The following EPM2A variants were observed in gnomAD, a reference collection of about 807,000 sequenced individuals.
EPM2A encodes the protein EPM2A glucan phosphatase, laforin.
Under a neutral mutation model 26.5 loss-of-function variants are expected in EPM2A, and 21 were observed. That is an observed-to-expected ratio of 0.79 (90% CI 0.56 to 1.14). The LOEUF (loss-of-function observed/expected upper bound fraction) is 1.14, where lower values mean the gene tolerates loss of function less well. EPM2A is among the 50% of genes most tolerant of loss of function. The pLI, the probability that EPM2A is intolerant of heterozygous loss-of-function variation, is 0.00. For synonymous variants in EPM2A, 217 were observed against 177.6 expected (o/e 1.22, Z -1.76); for missense variants, 458 against 440.8 (o/e 1.04, Z -0.35).
intron 4 of EPM2A, among the ~76,000 whole-genome samples, chr6:145,435,201 A>G (rs1282959722): frequency 6.6e-6 from 1 of 152,188 alleles, no homozygotes; most frequent in Non-Finnish European, 1.5e-5. Flanking sequence ...ATATGGAAGA[A>G]GTGAGGGAAG....
chr6:145,620,278 C>T (rs967402745), intron 2 of EPM2A, among the ~76,000 whole-genome samples: 3 of 152,276 alleles, frequency 2.0e-5, no homozygotes, highest in East Asian at 1.9e-4. Context: ...AGATCCCTCG[C>T]ATGTGCAGTT....
chr6:145,687,854 C>A lies in EPM2A; in HGVS notation c.302-1558G>T, dbSNP rs190567603. Among the ~76,000 whole-genome samples the A allele has an allele frequency of 2.6e-5, 4 of 151,960 alleles. No individual in the cohort carries two copies. The East Asian group carries it at 5.8e-4, about 22-fold the overall frequency. On this transcript the variant is annotated intron_variant, in intron 1 of 3. Coordinates refer to ENST00000367519, the MANE Select transcript of EPM2A (RefSeq NM_005670.4). Reference sequence around the variant, plus strand: ...TCTCTTAATGGATTTTTTTTCTCGACGACTACAAGGTGCTGCACCACATCT... The same window carrying A: ...TCTCTTAATGGATTTTTTTTCTCGAAGACTACAAGGTGCTGCACCACATCT...
chr6:145,395,095 C>G (rs189347678), intron 4 of EPM2A, among the ~76,000 whole-genome samples: 31 of 80,650 alleles, frequency 3.8e-4, no homozygotes, highest in Non-Finnish European at 5.0e-4. Flanking sequence ...AAACAACAAC[C>G]CTTCTCACCT....
rs529612513 is a variant in EPM2A, at chr6:145,478,873, C to T, written c.555+23649G>A. 1.1e-4 allele frequency among the ~76,000 whole-genome samples: 16 copies of T among 151,688 alleles called. No homozygotes were observed. The East Asian group carries it at 1.7e-3, about 16-fold the overall frequency. ...TGTAGTCTGTATGATAATAATTTTACACAAGTTATTAAGATCTGCTTTTGG... is the reference window on the plus strand; with the variant it reads ...TGTAGTCTGTATGATAATAATTTTATACAAGTTATTAAGATCTGCTTTTGG... On this transcript the variant is annotated intron_variant, in intron 4 of 4. Transcript: ENST00000638717.
At position 145,727,686 on chromosome 6, in the gene EPM2A, A is replaced by G. The variant is rs531604724; in HGVS notation, c.301+7512T>C. Among the ~76,000 whole-genome samples, 3 of 152,360 alleles carry G rather than the reference A, an allele frequency of 2.0e-5. No individual in the cohort carries two copies. The East Asian group carries it at 5.8e-4, about 29-fold the overall frequency. The stretch of plus-strand genomic sequence containing the variant: ...GACAAAAACCAATAAATACACAAAT[A>G]AATGTTGTACATGATATTTTTGTTT... On this transcript the variant is annotated intron_variant, in intron 1 of 3. Transcript: ENST00000367519.
rs568302411 is a variant in EPM2A at position 145,393,485 on chromosome 6, G to C, written c.556-9388C>G. Among the ~76,000 whole-genome samples, 7 of 152,102 alleles carry C rather than the reference G, an allele frequency of 4.6e-5. No individual in the cohort carries two copies. In the South Asian group the frequency reaches 1.5e-3, roughly 32 times the overall value. ...GAAAACTAATTCTTTTCCCAAAGTA[G>C]ACTGACGCCAGAACAGTTTTTTTCC... On this transcript the variant is annotated intron_variant, in intron 4 of 4. Transcript: ENST00000638717.
chr6:145,393,755 C>T (rs890984864), intron 4 of EPM2A, among the ~76,000 whole-genome samples: 45 of 152,010 alleles, frequency 3.0e-4, no homozygotes, highest in African/African-American at 1.1e-3. Flanking sequence ...CCCATAAGAG[C>T]ATTTTATGCT....
chr6:145,460,939 T>C (rs968563430), intron 4 of EPM2A, among the ~76,000 whole-genome samples: 2 of 152,168 alleles, frequency 1.3e-5, no homozygotes, highest in African/African-American at 4.8e-5. Flanking sequence ...AACAGGAGCA[T>C]ATCGACATGA....
chr6:145,499,947 G>T (rs900886070), downstream of EPM2A, among the ~76,000 whole-genome samples: 2 of 130,134 alleles, frequency 1.5e-5, no homozygotes, highest in African/African-American at 5.3e-5. Context: ...CCTGGTTGAT[G>T]ATTGCTTTTC....
intron 2 of EPM2A, among the ~76,000 whole-genome samples, chr6:145,529,329 A>G (rs1780322157): frequency 1.3e-5 from 2 of 152,156 alleles, no homozygotes; most frequent in African/African-American, 4.8e-5. Flanking sequence ...TAAATCTTTT[A>G]TGAAAGGAAG....
chr6:145,640,495 A>G (rs1295610617), intron 2 of EPM2A: 8 of 152,214 alleles, frequency 5.3e-5, no homozygotes, highest in Admixed American at 5.2e-4. Flanking sequence ...TCCTAGCCAT[A>G]CAAACGGAGC....
intron 2 of EPM2A, among the ~76,000 whole-genome samples, chr6:145,619,344 G>A (rs1273777818): frequency 1.3e-5 from 2 of 152,160 alleles, no homozygotes; most frequent in Non-Finnish European, 2.9e-5. Flanking sequence ...TACTCCTCCT[G>A]ACATCTGAAT....
At chr6:145,677,734 C>A (rs1049856991) in intron 2 of EPM2A, among the ~76,000 whole-genome samples, 3 of 152,092 alleles carry the variant, frequency 2.0e-5, no homozygotes, top group African/African-American at 7.2e-5. Context: ...ATGTGAAGGA[C>A]CTCTTTAAGG....
chr6:145,490,984 C>G lies in EPM2A; in HGVS notation c.555+11538G>C, dbSNP rs192815089. Reference sequence around the variant, plus strand: ...ATCCACTTCCTCTAATGTTTTGATGCCTTCATCTTCACTTCAATTGTGCCT... The same window carrying G: ...ATCCACTTCCTCTAATGTTTTGATGGCTTCATCTTCACTTCAATTGTGCCT... On this transcript the variant is annotated intron_variant, in intron 4 of 4. Coordinates refer to the EPM2A transcript ENST00000638717. 127 of 909,086 alleles carry G rather than the reference C, an allele frequency of 1.4e-4. 1 individual carries two copies. The highest frequency in any genetic ancestry group is 4.7e-4 in the Middle Eastern group (2 of 4,250). The allele number at this position is 909,086 out of a possible 1,614,324, so 56.3% of individuals were successfully genotyped here. A position where few individuals can be genotyped will look rare whatever the true frequency, so the allele number is the denominator to read the frequency against.
At chr6:145,649,937 T>C (rs1421646435) in intron 2 of EPM2A, among the ~76,000 whole-genome samples, 1 of 152,216 alleles carries the variant, frequency 6.6e-6, no homozygotes, top group African/African-American at 2.4e-5. Flanking sequence ...TTAATCATCA[T>C]GGCAAATTTT....
At chr6:145,693,713 T>C (rs1781409389) in intron 1 of EPM2A, among the ~76,000 whole-genome samples, 1 of 152,044 alleles carries the variant, frequency 6.6e-6, no homozygotes, top group Non-Finnish European at 1.5e-5. Context: ...AAAGTTAAAA[T>C]TTAAAAAGTA....
chr6:145,436,860 T>C (rs1182088786), intron 4 of EPM2A, among the ~76,000 whole-genome samples: 1 of 152,144 alleles, frequency 6.6e-6, no homozygotes, highest in Non-Finnish European at 1.5e-5. Flanking sequence ...AAGTTTCTAT[T>C]TGTTTTTTCT....
At chr6:145,700,468 C>T (rs1781849582) in intron 1 of EPM2A, among the ~76,000 whole-genome samples, 1 of 152,130 alleles carries the variant, frequency 6.6e-6, no homozygotes, top group South Asian at 2.1e-4. Flanking sequence ...GATAAAGCAT[C>T]TATATCAGTA....
chr6:145,450,071 A>C (rs1779175462), intron 4 of EPM2A, among the ~76,000 whole-genome samples: 1 of 151,996 alleles, frequency 6.6e-6, no homozygotes, highest in East Asian at 1.9e-4. Context: ...AACTGAAACC[A>C]GGCCTGGTGT....
Sources: gnomAD v4.1 joint callset for allele counts (sites outside exome capture counted in the v4.1 genomes callset) on GRCh38, gnomAD v4.1.1 for gene constraint, MANE v1.5 for transcripts, NCBI Gene and HGNC (gene_info 2026-07-23, HGNC 2026-07-21) for gene names.